Variants in PLCB4 observed in about 807,000 individuals in gnomAD.
PLCB4 encodes phospholipase C beta 4, also known as 1-phosphatidylinositol 4,5-bisphosphate phosphodiesterase beta-4.
A neutral mutation model predicts 178.8 loss-of-function variants in PLCB4; 77 were observed. That is an observed-to-expected ratio of 0.43 (90% CI 0.36 to 0.52). PLCB4 has a LOEUF of 0.52. Ranked by LOEUF, PLCB4 falls within the 20% of genes least tolerant of loss-of-function variation. PLCB4 has a pLI of 0.00. For synonymous variants in PLCB4, 496 were observed against 490.8 expected, an observed-to-expected ratio of 1.01 and a Z score of -0.14; for missense variants, 1,024 against 1,453.4, an observed-to-expected ratio of 0.70 and a Z score of 4.80.
At chr20:9,123,185 T>C (rs2146763005) in intron 2 of PLCB4, among the ~76,000 whole-genome samples, 1 of 152,276 alleles carries the variant, frequency 6.6e-6, no homozygotes, top group South Asian at 2.1e-4. Context: ...GAGATTTCCA[T>C]TTGATTCAGT....
intron 1 of PLCB4, among the ~76,000 whole-genome samples, chr20:9,082,294 C>T (rs1393933053): frequency 6.6e-6 from 1 of 152,024 alleles, no homozygotes; most frequent in African/African-American, 2.4e-5. Context: ...GCAAGAAAGC[C>T]ATTAATTAAT....
intron 4 of PLCB4, among the ~76,000 whole-genome samples, chr20:9,325,468 T>A (rs2030336523): frequency 6.6e-6 from 1 of 152,180 alleles, no homozygotes; most frequent in South Asian, 2.1e-4. Flanking sequence ...ATTTTAGGAA[T>A]AATTTCTTCA....
chr20:9,127,168 A>G (rs1194004574), intron 2 of PLCB4, among the ~76,000 whole-genome samples: 1 of 152,120 alleles, frequency 6.6e-6, no homozygotes, highest in East Asian at 1.9e-4. Flanking sequence ...AGCAATGCTC[A>G]TTGAACTCTA....
intron 3 of PLCB4, among the ~76,000 whole-genome samples, chr20:9,240,228 C>T (rs2094043452): frequency 6.6e-6 from 1 of 152,066 alleles, no homozygotes; most frequent in Admixed American, 6.5e-5. Flanking sequence ...AGAGGAGTAG[C>T]CCTCTGGAAT....
chr20:9,448,362 G>A (rs1180229621), intron 32 of PLCB4, among the ~76,000 whole-genome samples: 1 of 152,144 alleles, frequency 6.6e-6, no homozygotes, highest in Admixed American at 6.6e-5. Context: ...ATGACCTGCT[G>A]ATGAAGAAAT....
chr20:9,123,122 G>A (rs1397192547), intron 2 of PLCB4, among the ~76,000 whole-genome samples: 1 of 152,052 alleles, frequency 6.6e-6, no homozygotes. Context: ...TATTAAATAT[G>A]CAATGAATTA....
chr20:9,108,589 A>G (rs2091454948), intron 2 of PLCB4, among the ~76,000 whole-genome samples: 3 of 151,962 alleles, frequency 2.0e-5, no homozygotes, highest in African/African-American at 7.2e-5. Context: ...GGAAATGATG[A>G]TGATGATAAT....
At chr20:9,164,000 G>A (rs957400833) in intron 2 of PLCB4, among the ~76,000 whole-genome samples, 1 of 152,116 alleles carries the variant, frequency 6.6e-6, no homozygotes, top group East Asian at 1.9e-4. Context: ...AGTGATTATA[G>A]GCAAACTTAA....
chr20:9,322,072 C>T (rs2094965854), intron 4 of PLCB4, among the ~76,000 whole-genome samples: 1 of 151,586 alleles, frequency 6.6e-6, no homozygotes, highest in African/African-American at 2.4e-5. Flanking sequence ...CTCAGCCTCC[C>T]TCCCGAGTAG....
intron 2 of PLCB4, among the ~76,000 whole-genome samples, chr20:9,168,071 C>T (rs1404133331): frequency 6.6e-6 from 1 of 152,158 alleles, no homozygotes; most frequent in African/African-American, 2.4e-5. Flanking sequence ...ATAGTTATTA[C>T]CTGTTGGAAA....
chr20:9,407,136 G>A (rs2039500268), intron 21 of PLCB4, among the ~76,000 whole-genome samples: 1 of 152,096 alleles, frequency 6.6e-6, no homozygotes, highest in Non-Finnish European at 1.5e-5. Context: ...CAAAGAGGCA[G>A]CATCATTAGC....
chr20:9,380,181 G>A lies in PLCB4; in HGVS notation c.853+19G>A, dbSNP rs1262000306. On this transcript the variant is annotated intron_variant, in intron 13 of 39. Transcript: ENST00000378473. ...AAAAAAGGTAATAAACATGAAAAAA[G>A]GACTTAAAAAAAAAAACAAGAAAAG... is the stretch of plus-strand genomic sequence containing the variant. The A allele has an allele frequency of 3.3e-6, 4 of 1,199,878 alleles. No individual in the cohort carries two copies. Among genetic ancestry groups the A allele is most frequent in the South Asian group, 3.0e-5 (2 of 67,346 alleles). The allele number at this position is 1,199,878 out of a possible 1,614,324, so 74.3% of individuals were successfully genotyped here.
upstream of PLCB4, chr20:9,068,794 G>C (rs1467239278): frequency 2.0e-5 from 3 of 151,506 alleles, no homozygotes; most frequent in East Asian, 5.9e-4. Context: ...GCTGAGGGGC[G>C]GCGGGGCCCG....
intron 4 of PLCB4, among the ~76,000 whole-genome samples, chr20:9,319,537 C>T (rs189876655): frequency 4.6e-5 from 7 of 152,224 alleles, no homozygotes; most frequent in Admixed American, 3.3e-4. Context: ...CCTAGGAAAA[C>T]GAGTAGGGCA....
chr20:9,140,723 G>C (rs1024388829), intron 2 of PLCB4, among the ~76,000 whole-genome samples: 2 of 151,802 alleles, frequency 1.3e-5, no homozygotes, highest in Non-Finnish European at 2.9e-5. Flanking sequence ...CTCCCCCTTC[G>C]CCTTCCACCA....
In PLCB4 at chr20:9,468,565, A is replaced by G. The variant is rs766703994; in HGVS notation, c.3249-6A>G. 6.4e-7 allele frequency: 1 copy of G among 1,572,454 alleles called. No individual in the cohort carries two copies. The highest frequency in any genetic ancestry group is 8.8e-7 in the Non-Finnish European group (1 of 1,142,522). On this transcript the variant is annotated splice_region_variant and splice_polypyrimidine_tract_variant and intron_variant, in intron 35 of 39. Transcript: ENST00000378473. ...CCCTGTTTGTTTTCTTGTTTTTAAT[A>G]CATAGGGAAAGCAAGGAAATGCGAG...
chr20:9,097,633 G>A (rs764401409), intron 2 of PLCB4, among the ~76,000 whole-genome samples: 9 of 152,222 alleles, frequency 5.9e-5, no homozygotes, highest in African/African-American at 1.2e-4. Flanking sequence ...TGCTGATGGC[G>A]TCTTTCCTCA....
At chr20:9,256,204 T>C (rs2094233934) in intron 3 of PLCB4, among the ~76,000 whole-genome samples, 1 of 152,170 alleles carries the variant, frequency 6.6e-6, no homozygotes, top group Non-Finnish European at 1.5e-5. Context: ...TGTTGTCCCT[T>C]GTAACAAGAT....
intron 3 of PLCB4, 147 bp downstream of exon 3, chr20:9,217,599 G>C (rs1185843848): frequency 6.6e-6 from 1 of 152,228 alleles, no homozygotes; most frequent in East Asian, 1.9e-4. Flanking sequence ...TGATGCGGCA[G>C]AGCATTAAGC....
Sources: allele counts gnomAD v4.1 joint callset (sites outside exome capture counted in the v4.1 genomes callset), GRCh38; gene constraint gnomAD v4.1.1; transcripts MANE v1.5; gene names NCBI Gene and HGNC (gene_info 2026-07-23, HGNC 2026-07-21).